Variants in PSAP observed in about 807,000 individuals in gnomAD.
PSAP encodes prosaposin.
Under a neutral mutation model 66.0 loss-of-function variants are expected in PSAP, and 25 were observed. That is an observed-to-expected ratio of 0.38 (90% CI 0.28 to 0.53). The LOEUF (loss-of-function observed/expected upper bound fraction) is 0.53. Ranked by LOEUF, PSAP falls within the 20% of genes least tolerant of loss-of-function variation. The pLI is 0.83. For missense variants in PSAP, 649 were observed against 668.8 expected (o/e 0.97, Z 0.33); for synonymous variants, 273 against 258.9 (o/e 1.05, Z -0.52).
At chr10:71,846,227 G>A (rs1452810154) in intron 1 of PSAP, among the ~76,000 whole-genome samples, 2 of 152,046 alleles carry the variant, frequency 1.3e-5, no homozygotes, top group Non-Finnish European at 2.9e-5. Context: ...GCCCAAGGTC[G>A]TACGGCTACT....
At chr10:71,841,572 C>G (rs1035426499) in intron 1 of PSAP, among the ~76,000 whole-genome samples, 1 of 152,020 alleles carries the variant, frequency 6.6e-6, no homozygotes, top group African/African-American at 2.4e-5. Flanking sequence ...AATTAATGTT[C>G]AATAAAAAGC....
In PSAP at chr10:71,822,132, C is replaced by T. The variant is rs904272149; in HGVS notation, c.778-125G>A. On this transcript the variant is annotated intron_variant, in intron 7 of 13. Coordinates refer to ENST00000394936, the MANE Select transcript of PSAP (RefSeq NM_002778.4). ...CCCAGGTCAAGGCTACCTCCCTCTC[C>T]CCCTCCCACAACGGGGCAGATTCCA... 6.8e-6 allele frequency: 9 copies of T among 1,326,996 alleles called. No homozygotes were observed. In the African/African-American group the frequency reaches 1.2e-4, roughly 17 times the overall value. The allele number at this position is 1,326,996 out of a possible 1,614,324, so 82.2% of individuals were successfully genotyped here.
At chr10:71,848,627 GCCCAT>G (rs1241356643) in intron 1 of PSAP, among the ~76,000 whole-genome samples, 1 of 152,120 alleles carries the variant, frequency 6.6e-6, no homozygotes, top group Non-Finnish European at 1.5e-5. Flanking sequence ...AAAATACAAA[GCCCAT>G]CCCGATTCAG....
At chr10:71,829,349 T>C (rs1384860389) in intron 4 of PSAP, among the ~76,000 whole-genome samples, 1 of 152,160 alleles carries the variant, frequency 6.6e-6, no homozygotes, top group Non-Finnish European at 1.5e-5. Context: ...TCTTGAACTG[T>C]AGCTGCCATA....
intron 1 of PSAP, among the ~76,000 whole-genome samples, chr10:71,836,920 A>G (rs1358961625): frequency 1.3e-5 from 2 of 152,216 alleles, no homozygotes; most frequent in Non-Finnish European, 2.9e-5. Flanking sequence ...GGTCCGGCCA[A>G]CCTGGACTGA....
rs768267507 is a variant in PSAP at position 71,829,025 on chromosome 10, T to C, written c.428A>G (p.Lys143Arg). The change falls in exon 5 of 14, where the codon AAG (lysine) becomes AGG (arginine). Residue 143 changes from lysine (K) to arginine (R), a missense_variant. Lys to Arg is a conservative substitution (Grantham distance 26). Coordinates refer to ENST00000394936, the MANE Select transcript of PSAP (RefSeq NM_002778.4). Reference sequence around the variant, plus strand: ...CTGGTGATTCAGCTCTGCTAGGTGCTTCTGGAGAGACTCGCAGAGGTTGAG... The same window carrying C: ...CTGGTGATTCAGCTCTGCTAGGTGCCTCTGGAGAGACTCGCAGAGGTTGAG... ...SALNLCESLQ[K>R]HLAELNHQKQ... 4.3e-6 allele frequency: 7 copies of C among 1,614,024 alleles called. No individual in the cohort carries two copies. In the Admixed American group the frequency reaches 1.2e-4, roughly 27 times the overall value.
chr10:71,829,624 C>T (rs1178183942), intron 4 of PSAP, among the ~76,000 whole-genome samples: 4 of 152,082 alleles, frequency 2.6e-5, no homozygotes, highest in Admixed American at 2.6e-4. Context: ...TACCCAGTCT[C>T]GGGTATGTCT....
At chr10:71,819,198 C>A in intron 11 of PSAP, 87 bp from the exon 12 acceptor site, 4 of 1,254,404 alleles carry the variant, frequency 3.2e-6, no homozygotes, top group Non-Finnish European at 4.6e-6. Context: ...CCTGGATACA[C>A]TGTTCCCTGA....
intron 13 of PSAP, 107 bp from the exon 14 acceptor site, chr10:71,817,583 A>C: frequency 9.2e-7 from 1 of 1,089,300 alleles, no homozygotes; most frequent in Non-Finnish European, 1.4e-6. Flanking sequence ...CTCTTGTCCT[A>C]GGTCAGCTGG....
rs1173133007 is a variant in PSAP, at chr10:71,819,812, C to T, written c.1094G>A (p.Gly365Asp). 1 of 1,613,958 alleles carries T rather than the reference C, an allele frequency of 6.2e-7. No homozygotes were observed. Among genetic ancestry groups the T allele is most frequent in the South Asian group, 1.1e-5 (1 of 91,074 alleles). ...EECQEVVDTY[G>D]SSILSILLEE... ...CAGCAGGATGGACAGGATGGAGCTG[C>T]CGTACGTGTCCACCACCTCCTGGCA... Residue 365 changes from glycine (G) to aspartate (D), a missense_variant, in exon 10 of 14, where the codon GGC becomes GAC. Transcript: ENST00000394936.
chr10:71,851,053 G>A, intron 1 of PSAP, 129 bp downstream of exon 1: 1 of 1,099,198 alleles, frequency 9.1e-7, no homozygotes, highest in Non-Finnish European at 1.4e-6. Flanking sequence ...GAACGCGCCT[G>A]CGCAGTGCGC....
At chr10:71,843,215 T>G (rs945060346) in intron 1 of PSAP, among the ~76,000 whole-genome samples, 3 of 151,948 alleles carry the variant, frequency 2.0e-5, no homozygotes, top group African/African-American at 7.3e-5. Flanking sequence ...AGGAAGATGT[T>G]CCAGAGAGGT....
At position 71,818,620 on chromosome 10, in the gene PSAP, G is replaced by A. The variant is rs1307171141; in HGVS notation, c.1536C>T (p.Cys512=). The A allele has an allele frequency of 6.2e-7, 1 of 1,613,256 alleles. No homozygotes were observed. The highest frequency in any genetic ancestry group is 8.5e-7 in the Non-Finnish European group (1 of 1,179,742). Residue 512 remains cysteine, a synonymous_variant, in exon 13 of 14, where the codon TGC becomes TGT. Coordinates refer to ENST00000394936, the MANE Select transcript of PSAP (RefSeq NM_002778.4). ...CACTGTCTGCTGAGCTACTCACATT[G>A]CACTGGGCTGCTGTCTCTGTGTTCT... ...WCQNTETAAQ[C]NAVEHCKRHV... is the part of the protein sequence containing the mutation.
intron 1 of PSAP, among the ~76,000 whole-genome samples, chr10:71,839,945 A>G (rs1189885151): frequency 1.3e-5 from 2 of 152,110 alleles, no homozygotes; most frequent in East Asian, 3.8e-4. Flanking sequence ...TTAATCAACG[A>G]CCTCGCTTAC....
intron 7 of PSAP, among the ~76,000 whole-genome samples, chr10:71,823,351 G>A (rs1842342299): frequency 6.6e-6 from 1 of 152,254 alleles, no homozygotes; most frequent in South Asian, 2.1e-4. Context: ...TCAAGAGATT[G>A]TTTCCAATTC....
chr10:71,833,043 A>AAAAAAAAAAC (rs1842552264), intron 2 of PSAP, among the ~76,000 whole-genome samples: 1 of 149,596 alleles, frequency 6.7e-6, no homozygotes, highest in Non-Finnish European at 1.5e-5. Context: ...AAAAAACAAA[A>AAAAAAAAAAC]ACAGAAGGCC....
Position 71,831,321 on chromosome 10 carries a change from G to A in PSAP, c.250-70C>T. On this transcript the variant is annotated intron_variant, in intron 3 of 13. Coordinates refer to ENST00000394936, the MANE Select transcript of PSAP (RefSeq NM_002778.4). ...CTGGAAATAAATGGGCTGAAGGCAA[G>A]AGGCCCTCAATAGCTCCCAGAAAAA... The A allele has an allele frequency of 3.1e-6, 5 of 1,589,160 alleles. 1 individual carries two copies. In the South Asian group the frequency reaches 5.6e-5, roughly 18 times the overall value.
chr10:71,835,821 G>GAAAA (rs758665607), intron 1 of PSAP, among the ~76,000 whole-genome samples: 91 of 49,230 alleles, frequency 1.8e-3, no homozygotes, highest in African/African-American at 3.7e-3. Context: ...GTCTGAGACA[G>GAAAA]AAAAAAAAAA....
At position 71,827,462 on chromosome 10, in the gene PSAP, C is replaced by CA. The variant is rs561578511; in HGVS notation, c.720+551dup. On this transcript the variant is annotated intron_variant, in intron 6 of 13. Coordinates refer to ENST00000394936, the MANE Select transcript of PSAP (RefSeq NM_002778.4). ...GGGGTAAAGGCCGGGCGCAGAGACT[C>CA]ACGCCTGTAATCCTAGCACTTTGGG... 3.3e-5 allele frequency among the ~76,000 whole-genome samples: 5 copies of CA among 151,494 alleles called. 1 individual carries two copies. In the South Asian group the frequency reaches 1.0e-3, roughly 32 times the overall value.
Sources: allele counts gnomAD v4.1 joint callset (sites outside exome capture counted in the v4.1 genomes callset), GRCh38; gene constraint gnomAD v4.1.1; transcripts MANE v1.5; gene names NCBI Gene and HGNC (gene_info 2026-07-23, HGNC 2026-07-21).